Variants in MSH5 observed in about 807,000 individuals in gnomAD.
The protein encoded by MSH5 is mutS protein homolog 5.
In MSH5, 78 loss-of-function variants were observed where a neutral mutation model predicts 107.7. The observed-to-expected ratio is 0.72, with a 90% CI of 0.60 to 0.87. The LOEUF is 0.87. MSH5 is among the 40% of genes least tolerant of loss of function. The pLI is 0.00. For missense variants in MSH5, 889 were observed against 1,046.6 expected, an observed-to-expected ratio of 0.85 and a Z score of 2.08; for synonymous variants, 326 against 399.5, an observed-to-expected ratio of 0.82 and a Z score of 2.19.
Position 31,758,168 on chromosome 6 carries a change from G to A in MSH5, c.1018G>A (p.Val340Met). ...VSDWQVLYKT[V>M]YSALGLRDAC... ...CCTTTTTGTGTTTCTCTCACAGACTGTGTACAGTGCCCTGGGCCTGAGGGA... is the reference window on the plus strand; with the variant it reads ...CCTTTTTGTGTTTCTCTCACAGACTATGTACAGTGCCCTGGGCCTGAGGGA... The change falls in exon 13 of 25, where the codon GTG (valine) becomes ATG (methionine). Residue 340 changes from valine to methionine, a missense_variant. By Grantham distance (21) the Val-to-Met change is conservative. Coordinates refer to ENST00000375750, the MANE Select transcript of MSH5 (RefSeq NM_172166.4). The surrounding 1 kb of genome is among the most constrained non-coding windows in gnomAD (Gnocchi z 5.1). 1.2e-6 allele frequency: 2 copies of A among 1,613,046 alleles called. No individual in the cohort carries two copies. The highest frequency in any genetic ancestry group is 1.1e-5 in the South Asian group (1 of 91,086).
chr6:31,754,581 A>G (rs1810274011), intron 12 of MSH5, among the ~76,000 whole-genome samples: 1 of 151,936 alleles, frequency 6.6e-6, no homozygotes, highest in Non-Finnish European at 1.5e-5. Flanking sequence ...GTGCAGTCAT[A>G]TTTCATTGCA....
chr6:31,746,881 G>A (rs1809511496), intron 9 of MSH5, among the ~76,000 whole-genome samples: 1 of 152,210 alleles, frequency 6.6e-6, no homozygotes, highest in Non-Finnish European at 1.5e-5. Flanking sequence ...GGAGTGCAGT[G>A]GCGCGATCTC....
chr6:31,751,637 GA>G (rs9281572), intron 10 of MSH5: 177 of 137,680 alleles, frequency 1.3e-3, no homozygotes, highest in Middle Eastern at 3.8e-3. Flanking sequence ...CTCTGTCTCA[GA>G]AAAAAAAAAA....
At chr6:31,751,157 G>A (rs28399971) in intron 10 of MSH5, among the ~76,000 whole-genome samples, 4,136 of 152,090 alleles carry the variant, frequency 0.027, 165 homozygotes, top group African/African-American at 0.086. Flanking sequence ...CAACACGCCC[G>A]GCTAATTTTG....
Position 31,761,230 on chromosome 6 carries a change from C to T in MSH5, c.2005C>T (p.Leu669Phe). 1.9e-6 allele frequency: 3 copies of T among 1,613,926 alleles called. No individual in the cohort carries two copies. Among genetic ancestry groups the T allele is most frequent in the South Asian group, 2.2e-5 (2 of 91,064 alleles). Residue 669 changes from leucine (L) to phenylalanine (F), a missense_variant, in exon 21 of 25, where the codon CTT becomes TTT. Around this residue, in one of 3 missense-constraint regions of MSH5, gnomAD observed 362 missense variants for 456.2 expected, o/e 0.79. Coordinates refer to ENST00000375750, the MANE Select transcript of MSH5 (RefSeq NM_172166.4). This position sits in a 1 kb window ranked among gnomAD's most constrained non-coding sequence, Gnocchi z 5.3. ...CAATGCCACTGCACAGTCGCTGGTC[C>T]TTATTGATGAATTTGGAAAGGGAAC... ...VNNATAQSLV[L>F]IDEFGKGTNT...
Position 31,760,224 on chromosome 6 carries a change from G to C in MSH5, c.1812+8G>C, listed in dbSNP as rs774039750. 5.7e-6 allele frequency: 9 copies of C among 1,580,148 alleles called. No individual in the cohort carries two copies. Among genetic ancestry groups the C allele is most frequent in the Non-Finnish European group, 7.7e-6 (9 of 1,165,742 alleles). On this transcript the variant is annotated splice_region_variant and intron_variant, in intron 19 of 24. Transcript: ENST00000375750. This position sits in a 1 kb window ranked among gnomAD's most constrained non-coding sequence, Gnocchi z 5.6. Reference sequence around the variant, plus strand: ...AGCATATACCTCAAACAGGTGAGGAGAAGCCCTGCAGCCTGGGCCTCTGGC... The same window carrying C: ...AGCATATACCTCAAACAGGTGAGGACAAGCCCTGCAGCCTGGGCCTCTGGC...
In MSH5 at chr6:31,747,449, C is replaced by G; in HGVS notation, c.812+17C>G. 1 of 1,611,724 alleles carries G rather than the reference C, an allele frequency of 6.2e-7. No homozygotes were observed. Among genetic ancestry groups the G allele is most frequent in the Non-Finnish European group, 8.5e-7 (1 of 1,178,880 alleles). Reference sequence around the variant, plus strand: ...GCTGCTCAGGTGAGTGGGTCCCACACATACTACACACTAATGCATGAATTC... The same window carrying G: ...GCTGCTCAGGTGAGTGGGTCCCACAGATACTACACACTAATGCATGAATTC... On this transcript the variant is annotated intron_variant, in intron 10 of 24. Transcript: ENST00000375750.
rs1283829526 is a variant in MSH5, at chr6:31,759,001, G to A, written c.1327-96G>A. On this transcript the variant is annotated intron_variant, in intron 15 of 24. Transcript: ENST00000375750. This position sits in a 1 kb window ranked among gnomAD's most constrained non-coding sequence, Gnocchi z 4.7. The stretch of plus-strand genomic sequence containing the variant: ...TGAAGAACATGAACACTTTTTTGTG[G>A]GGATACAGGGATCTTTTAAGCTCCC... The A allele has an allele frequency of 7.8e-6, 11 of 1,408,096 alleles. No individual in the cohort carries two copies. Among genetic ancestry groups the A allele is most frequent in the African/African-American group, 1.4e-5 (1 of 70,290 alleles). The allele number at this position is 1,408,096 out of a possible 1,614,324, so 87.2% of individuals were successfully genotyped here.
intron 8 of MSH5, 26 bp downstream of exon 8, chr6:31,744,607 T>C (rs375389474): frequency 9.4e-5 from 152 of 1,612,494 alleles, no homozygotes; most frequent in Non-Finnish European, 1.2e-4. Context: ...CATGCTGCTG[T>C]CTCTGGGGAG....
chr6:31,752,893 A>G (rs577634788), intron 10 of MSH5, among the ~76,000 whole-genome samples: 1 of 152,288 alleles, frequency 6.6e-6, no homozygotes. Flanking sequence ...TGTTGCTGTT[A>G]CCCAGAGACA....
At chr6:31,751,925 C>T (rs1178372507) in intron 10 of MSH5, among the ~76,000 whole-genome samples, 1 of 151,756 alleles carries the variant, frequency 6.6e-6, no homozygotes, top group Non-Finnish European at 1.5e-5. Context: ...ACAGCGAAAC[C>T]CTATCTCTAC....
In MSH5 at chr6:31,758,511, G is replaced by T. The variant is rs1352959442; in HGVS notation, c.1144-37G>T. On this transcript the variant is annotated intron_variant, in intron 13 of 24. Transcript: ENST00000375750. The surrounding 1 kb of genome is among the most constrained non-coding windows in gnomAD (Gnocchi z 5.1). ...AGGAGAGCTGAGGAACAGGACAGAG[G>T]GTGCCAGGTCCTAAGAAACAGTACT... 6 of 1,608,224 alleles carry T rather than the reference G, an allele frequency of 3.7e-6. No individual in the cohort carries two copies.
At position 31,759,939 on chromosome 6, in the gene MSH5, C is replaced by G; in HGVS notation, c.1649C>G (p.Ser550Cys). 1.2e-6 allele frequency: 2 copies of G among 1,614,184 alleles called. No homozygotes were observed. Among genetic ancestry groups the G allele is most frequent in the Non-Finnish European group, 1.7e-6 (2 of 1,180,032 alleles). Residue 550 changes from serine to cysteine, a missense_variant, in exon 18 of 25, where the codon TCC becomes TGC. Around this residue, in one of 3 missense-constraint regions of MSH5, gnomAD observed 362 missense variants for 456.2 expected, o/e 0.79. Transcript: ENST00000375750. This position sits in a 1 kb window ranked among gnomAD's most constrained non-coding sequence, Gnocchi z 4.7. ...TATGGCTACTCAAGGCCGCGTTACT[C>G]CCCACAAGTCCTTGGGGTACGAATC... Reference protein sequence around the residue: ...RDYGYSRPRYSPQVLGVRIQN... With the variant: ...RDYGYSRPRYCPQVLGVRIQN...
In MSH5 at chr6:31,762,446, T is replaced by C. The variant is rs1363750231; in HGVS notation, c.2420T>C (p.Met807Thr). Reference sequence around the variant, plus strand: ...TGCCAGACATTAGTGGATAAGTTTATGAAACTGGATTTGGAAGATCCTAAC... The same window carrying C: ...TGCCAGACATTAGTGGATAAGTTTACGAAACTGGATTTGGAAGATCCTAAC... ...ENCQTLVDKF[M>T]KLDLEDPNLD... The change falls in exon 25 of 25, where the codon ATG becomes ACG. Residue 807 changes from methionine to threonine, a missense_variant. This residue lies in a region of MSH5 where 362 missense variants were observed against 456.2 expected (regional missense o/e 0.79). Transcript: ENST00000375750. 4 of 1,613,972 alleles carry C rather than the reference T, an allele frequency of 2.5e-6. No individual in the cohort carries two copies. The highest frequency in any genetic ancestry group is 3.4e-6 in the Non-Finnish European group (4 of 1,179,902).
At chr6:31,743,773 G>A (rs1490886200) in intron 5 of MSH5, 131 bp from the exon 6 acceptor site, 1 of 1,349,552 alleles carries the variant, frequency 7.4e-7, no homozygotes, top group East Asian at 2.4e-5. Flanking sequence ...TCTTGCTCTA[G>A]CTTTCCATTA....
chr6:31,753,247 G>A, intron 10 of MSH5, 54 bp from the exon 11 acceptor site: 2 of 1,551,072 alleles, frequency 1.3e-6, no homozygotes, highest in East Asian at 2.3e-5. Flanking sequence ...GGCAAACTGA[G>A]ATCAAGATGA....
rs988086914 is a variant in MSH5, at chr6:31,760,026, A to T, written c.1685+51A>T. The T allele has an allele frequency of 3.7e-6, 6 of 1,611,298 alleles. No homozygotes were observed. Among genetic ancestry groups the T allele is most frequent in the Non-Finnish European group, 5.1e-6 (6 of 1,178,098 alleles). Reference sequence around the variant, plus strand: ...TAGACATGAGGGGCCCAAAGGCTACATCTTCTGGGGGTTCATCTATCTTGA... The same window carrying T: ...TAGACATGAGGGGCCCAAAGGCTACTTCTTCTGGGGGTTCATCTATCTTGA... On this transcript the variant is annotated intron_variant, in intron 18 of 24. Transcript: ENST00000375750. The surrounding 1 kb of genome is among the most constrained non-coding windows in gnomAD (Gnocchi z 5.6).
chr6:31,759,823 G>C lies in MSH5; in HGVS notation c.1533G>C (p.Gln511His). 1 of 1,613,850 alleles carries C rather than the reference G, an allele frequency of 6.2e-7. No homozygotes were observed. The highest frequency in any genetic ancestry group is 8.5e-7 in the Non-Finnish European group (1 of 1,180,034). The change falls in exon 18 of 25, where the codon CAG becomes CAC. Residue 511 changes from glutamine to histidine, a missense_variant. Transcript: ENST00000375750. This position sits in a 1 kb window ranked among gnomAD's most constrained non-coding sequence, Gnocchi z 4.7. The stretch of plus-strand genomic sequence containing the variant: ...TGCTGATGTACCAGCTACAGTGCCA[G>C]GTGCTGGCACGAGCAGCTGTCTTAA... ...ETLLMYQLQC[Q>H]VLARAAVLTR...
At position 31,761,134 on chromosome 6, in the gene MSH5, G is replaced by A; in HGVS notation, c.1963-54G>A. ...TTTATTCACAGGCCAACTGTGGTCA[G>A]TGCGTTACGGGCTTCCAATACTAAC... On this transcript the variant is annotated intron_variant, in intron 20 of 24. Coordinates refer to ENST00000375750, the MANE Select transcript of MSH5 (RefSeq NM_172166.4). This position sits in a 1 kb window ranked among gnomAD's most constrained non-coding sequence, Gnocchi z 5.3. The A allele has an allele frequency of 6.4e-7, 1 of 1,555,488 alleles. No individual in the cohort carries two copies. The highest frequency in any genetic ancestry group is 8.8e-7 in the Non-Finnish European group (1 of 1,135,992).
Sources: allele counts gnomAD v4.1 joint callset (sites outside exome capture counted in the v4.1 genomes callset), GRCh38; gene constraint gnomAD v4.1.1; regional missense constraint gnomAD v4.1.1; non-coding constraint Gnocchi (gnomAD v3.1); transcripts MANE v1.5; gene names NCBI Gene and HGNC (gene_info 2026-07-23, HGNC 2026-07-21).